MCC: variants seen among roughly 807,000 people sequenced by gnomAD.
The protein encoded by MCC is colorectal mutant cancer protein.
MCC carries 90 observed loss-of-function variants against 116.2 expected under a neutral mutation model. The ratio of observed to expected loss-of-function variants is 0.77; its 90% CI spans 0.65 to 0.92. The LOEUF (loss-of-function observed/expected upper bound fraction) is 0.92. Among genes scored for constraint, MCC ranks in the 40% least tolerant of loss-of-function variants. MCC has a pLI of 0.00. For synonymous variants in MCC, 578 were observed against 510.5 expected (o/e 1.13, Z -1.78); for missense variants, 1,516 against 1,312.2 (o/e 1.16, Z -2.40).
At chr5:113,101,608 C>G in intron 8 of MCC, 131 bp downstream of exon 8, 1 of 864,788 alleles carries the variant, frequency 1.2e-6, no homozygotes, top group Non-Finnish European at 1.8e-6. Flanking sequence ...GACTTCATAA[C>G]AGGAAAGAGA....
At chr5:113,044,984 C>T (rs1018926788) in intron 16 of MCC, among the ~76,000 whole-genome samples, 2 of 152,350 alleles carry the variant, frequency 1.3e-5, no homozygotes, top group African/African-American at 2.4e-5. Context: ...ACTGCCAACA[C>T]TTGAGTGCTC....
intron 3 of MCC, among the ~76,000 whole-genome samples, chr5:113,217,947 G>A (rs908303890): frequency 2.6e-5 from 4 of 151,952 alleles, no homozygotes; most frequent in Non-Finnish European, 4.4e-5. Context: ...GAAGTGTGCC[G>A]CACATATCCC....
At chr5:113,482,894 TA>T (rs1772415418) in intron 1 of MCC, among the ~76,000 whole-genome samples, 1 of 152,204 alleles carries the variant, frequency 6.6e-6, no homozygotes, top group African/African-American at 2.4e-5. Context: ...TTCTTACATT[TA>T]AGTTTTTGAT....
intron 3 of MCC, among the ~76,000 whole-genome samples, chr5:113,154,565 A>T (rs1760067214): frequency 6.6e-6 from 1 of 152,172 alleles, no homozygotes; most frequent in Admixed American, 6.5e-5. Flanking sequence ...CTGCATCATC[A>T]ACTCAAGTCA....
chr5:113,441,658 C>T (rs1435079589), intron 1 of MCC, among the ~76,000 whole-genome samples: 1 of 152,174 alleles, frequency 6.6e-6, no homozygotes, highest in African/African-American at 2.4e-5. Flanking sequence ...CCTCTAACCC[C>T]CTACCCTGGA....
At chr5:113,333,107 T>G (rs1767742946) in intron 3 of MCC, among the ~76,000 whole-genome samples, 1 of 151,582 alleles carries the variant, frequency 6.6e-6, no homozygotes, top group Admixed American at 6.6e-5. Context: ...AACCAAAAAC[T>G]AATGTGAAAC....
intron 3 of MCC, among the ~76,000 whole-genome samples, chr5:113,278,741 T>C (rs147505142): frequency 6.6e-6 from 1 of 152,214 alleles, no homozygotes; most frequent in Non-Finnish European, 1.5e-5. Context: ...GGTGGAGTGA[T>C]CAACAGGGTA....
At chr5:113,400,552 C>G (rs537735860) in intron 1 of MCC, among the ~76,000 whole-genome samples, 4 of 152,166 alleles carry the variant, frequency 2.6e-5, no homozygotes, top group Non-Finnish European at 5.9e-5. Context: ...CAAGACTCAG[C>G]CTATCTTCAC....
intron 6 of MCC, among the ~76,000 whole-genome samples, chr5:113,113,299 T>G (rs1757206202): frequency 6.6e-6 from 1 of 152,242 alleles, no homozygotes; most frequent in Non-Finnish European, 1.5e-5. Context: ...TGCTTTCTTT[T>G]GAGCATTCCT....
At chr5:113,345,936 A>G (rs1277033250) in intron 2 of MCC, among the ~76,000 whole-genome samples, 3 of 152,244 alleles carry the variant, frequency 2.0e-5, no homozygotes, top group Admixed American at 2.0e-4. Context: ...GACCTTCCAG[A>G]CAGAGAATTC....
chr5:113,067,534 G>A (rs988711804), intron 13 of MCC, among the ~76,000 whole-genome samples: 1 of 152,230 alleles, frequency 6.6e-6, no homozygotes, highest in Non-Finnish European at 1.5e-5. Flanking sequence ...CTACTTGGGA[G>A]GCTGAGGCAG....
chr5:113,085,117 A>T, intron 9 of MCC, 47 bp downstream of exon 9: 1 of 1,612,794 alleles, frequency 6.2e-7, no homozygotes, highest in East Asian at 2.2e-5. Context: ...GTGCTTCCAG[A>T]TAACAGGAGG....
At chr5:113,155,952 T>G (rs756174172) in intron 3 of MCC, among the ~76,000 whole-genome samples, 1 of 152,212 alleles carries the variant, frequency 6.6e-6, no homozygotes, top group Non-Finnish European at 1.5e-5. Flanking sequence ...AAATACTGTG[T>G]GAGAGGTATG....
intron 8 of MCC, among the ~76,000 whole-genome samples, chr5:113,097,611 G>A (rs1352041943): frequency 3.9e-5 from 6 of 152,266 alleles, no homozygotes; most frequent in African/African-American, 1.4e-4. Flanking sequence ...GCAACACCAA[G>A]GGGAGGTAGA....
At chr5:113,346,630 C>CA (rs869303939) in intron 2 of MCC, among the ~76,000 whole-genome samples, 3 of 103,124 alleles carry the variant, frequency 2.9e-5, no homozygotes, top group African/African-American at 1.0e-4. Context: ...ACAACAACAA[C>CA]AACAAAAAAA....
At chr5:113,445,868 A>G (rs1294068167) in intron 1 of MCC, among the ~76,000 whole-genome samples, 1 of 152,250 alleles carries the variant, frequency 6.6e-6, no homozygotes, top group East Asian at 1.9e-4. Context: ...AGCTACAGTA[A>G]CCAAAACAGC....
rs967259016 is a variant in MCC, at chr5:113,469,655, T to C, written c.170+18590A>G. ...GGTGTGGTGCTGAAAAGAATGTATA[T>C]TCTGTTGATTTGGGGTGGAGAGTTC... On this transcript the variant is annotated intron_variant, in intron 1 of 18. Transcript: ENST00000408903. 3.3e-5 allele frequency among the ~76,000 whole-genome samples: 5 copies of C among 152,316 alleles called. 1 individual carries two copies. Among genetic ancestry groups the C allele is most frequent in the Admixed American group, 6.5e-5 (1 of 15,296 alleles).
chr5:113,237,068 T>C (rs1256702206), intron 3 of MCC, among the ~76,000 whole-genome samples: 2 of 152,210 alleles, frequency 1.3e-5, no homozygotes, highest in African/African-American at 4.8e-5. Context: ...ATTCATTAAA[T>C]ACTTGCTAAT....
chr5:113,486,279 G>C (rs532058706), intron 1 of MCC, among the ~76,000 whole-genome samples: 3 of 152,332 alleles, frequency 2.0e-5, no homozygotes, highest in Admixed American at 2.0e-4. Context: ...ACACATTAAA[G>C]TAATGCAGCT....
Sources: gnomAD v4.1 joint callset for allele counts (sites outside exome capture counted in the v4.1 genomes callset) on GRCh38, gnomAD v4.1.1 for gene constraint, MANE v1.5 for transcripts, NCBI Gene and HGNC (gene_info 2026-07-23, HGNC 2026-07-21) for gene names.